The following AKR1C1 variants were observed in gnomAD, a reference collection of about 807,000 sequenced individuals.
The protein encoded by AKR1C1 is aldo-keto reductase family 1 member C1.
Under a neutral mutation model 40.6 loss-of-function variants are expected in AKR1C1, and 32 were observed. That is an observed-to-expected ratio of 0.79 (90% confidence interval 0.60 to 1.06). The LOEUF (loss-of-function observed/expected upper bound fraction) is 1.06. Among genes scored for constraint, AKR1C1 ranks in the 50% least tolerant of loss-of-function variants. The pLI is 0.00. For missense variants in AKR1C1, 320 were observed against 363.5 expected, an observed-to-expected ratio of 0.88 and a Z score of 0.97; for synonymous variants, 105 against 134.2, an observed-to-expected ratio of 0.78 and a Z score of 1.50.
Position 4,978,040 on chromosome 10 carries a change from C to T in AKR1C1, c.*298C>T, listed in dbSNP as rs374101244. ...GCCCCTAAATTGTGATTTGCCTATA[C>T]GTTTAGGGCCGGGGTTGGAAGATGT... On this transcript the variant is annotated 3_prime_UTR_variant, in exon 9 of 9. Transcript: ENST00000380872. 1.2e-5 allele frequency: 5 copies of T among 403,904 alleles called. No individual in the cohort carries two copies. The highest frequency in any genetic ancestry group is 1.1e-4 in the East Asian group (2 of 17,886). 25.0% of individuals were successfully genotyped at this position (403,904 alleles called of 1,614,324 possible).
chr10:4,971,520 TATAA>T (rs1284710383), intron 5 of AKR1C1, among the ~76,000 whole-genome samples: 2,404 of 118,834 alleles, frequency 0.02, 64 homozygotes, highest in African/African-American at 0.072. Flanking sequence ...TATATATATA[TATAA>T]AATATATATG....
In AKR1C1 at chr10:4,981,476, A is replaced by C. The variant is rs781974969; in HGVS notation, c.*3734A>C. 2.0e-5 allele frequency: 3 copies of C among 152,246 alleles called. No homozygotes were observed. The highest frequency in any genetic ancestry group is 4.4e-5 in the Non-Finnish European group (3 of 68,050). 9.4% of individuals were successfully genotyped at this position (152,246 alleles called of 1,614,324 possible). A position where few individuals can be genotyped will look rare whatever the true frequency, so the allele number is the denominator to read the frequency against. On this transcript the variant is annotated 3_prime_UTR_variant, in exon 9 of 9. Coordinates refer to ENST00000380872, the MANE Select transcript of AKR1C1 (RefSeq NM_001353.6). ...AAAATGGAGAAAAGTACCAGATGGC[A>C]GATGGGAGGCAGTGTGAGCATGCCT...
intron 5 of AKR1C1, chr10:4,969,599 T>A (rs1473734664): frequency 6.4e-7 from 1 of 1,551,846 alleles, no homozygotes; most frequent in African/African-American, 1.4e-5. Context: ...CCGCTCCTAG[T>A]TGGCTGCTCT....
intron 7 of AKR1C1, among the ~76,000 whole-genome samples, chr10:4,973,900 T>C (rs1200794277): frequency 1.1e-5 from 1 of 92,278 alleles, no homozygotes; most frequent in Non-Finnish European, 2.2e-5. Flanking sequence ...ATTAGTTATA[T>C]ACAGATATAT....
chr10:4,963,970 TA>T (rs1836289034), intron 1 of AKR1C1: 6 of 745,608 alleles, frequency 8.0e-6, no homozygotes, highest in South Asian at 7.1e-5. Flanking sequence ...CACCACACTG[TA>T]ATACTAGACC....
chr10:4,965,943 C>T lies in AKR1C1; in HGVS notation c.114C>T (p.Thr38=). ...EVPKSKALEA[T]KLAIEAGFRH... ...CTAAAAGTAAAGCTTTAGAGGCCAC[C>T]AAATTGGCAATTGAAGCTGGCTTCC... The change falls in exon 2 of 9, where the codon ACC becomes ACT. Residue 38 remains threonine, a synonymous_variant. Coordinates refer to ENST00000380872, the MANE Select transcript of AKR1C1 (RefSeq NM_001353.6). 6.2e-7 allele frequency: 1 copy of T among 1,614,120 alleles called. No homozygotes were observed. The highest frequency in any genetic ancestry group is 8.5e-7 in the Non-Finnish European group (1 of 1,179,976).
intron 1 of AKR1C1, among the ~76,000 whole-genome samples, chr10:4,964,221 A>G (rs1332045800): frequency 6.6e-6 from 1 of 152,234 alleles, no homozygotes; most frequent in African/African-American, 2.4e-5. Flanking sequence ...CTATTTCTAC[A>G]CTGGAAGAAA....
At chr10:4,976,896 TAAAA>T (rs1212474352) in intron 8 of AKR1C1, among the ~76,000 whole-genome samples, 2 of 152,146 alleles carry the variant, frequency 1.3e-5, no homozygotes, top group African/African-American at 4.8e-5. Flanking sequence ...ACGGAGATGA[TAAAA>T]AGAAAAGGAA....
At chr10:4,963,827 T>C (rs778617117) in intron 1 of AKR1C1, 1 of 754,554 alleles carries the variant, frequency 1.3e-6, no homozygotes, top group Non-Finnish European at 2.4e-6. Flanking sequence ...CTCTGTTTCT[T>C]TGTATAGTCG....
At chr10:4,972,962 T>G (rs1268238564) in intron 7 of AKR1C1, among the ~76,000 whole-genome samples, 4 of 152,278 alleles carry the variant, frequency 2.6e-5, no homozygotes, top group Non-Finnish European at 2.9e-5. Context: ...AACTACAGAT[T>G]TGGGTTAGCG....
chr10:4,966,267 G>A (rs1836332446), intron 2 of AKR1C1, among the ~76,000 whole-genome samples, 186 bp downstream of exon 2: 1 of 152,216 alleles, frequency 6.6e-6, no homozygotes, highest in Admixed American at 6.5e-5. Flanking sequence ...CATCTTTGCA[G>A]TGTTCCAATT....
At chr10:4,971,212 T>A (rs1418178183) in intron 5 of AKR1C1, among the ~76,000 whole-genome samples, 11 of 152,014 alleles carry the variant, frequency 7.2e-5, no homozygotes, top group African/African-American at 2.7e-4. Context: ...TCATTTACAA[T>A]TTTAACCACT....
At position 4,968,852 on chromosome 10, in the gene AKR1C1, G is replaced by C. The variant is rs964121986; in HGVS notation, c.478G>C (p.Ala160Pro). 4 of 1,614,000 alleles carry C rather than the reference G, an allele frequency of 2.5e-6. No homozygotes were observed. The African/African-American group carries it at 4.0e-5, about 16-fold the overall frequency. ...AVEKCKDAGL[A>P]KSIGVSNFNR... ...GGAGAAGTGTAAAGATGCAGGATTGGCCAAGTCCATCGGGGTGTCCAACTT... is the reference window on the plus strand; with the variant it reads ...GGAGAAGTGTAAAGATGCAGGATTGCCCAAGTCCATCGGGGTGTCCAACTT... The change falls in exon 5 of 9, where the codon GCC becomes CCC. Residue 160 changes from alanine (A) to proline (P), a missense_variant. By Grantham distance (27) the Ala-to-Pro change is conservative. Transcript: ENST00000380872.
chr10:4,965,757 G>T (rs566262480), intron 1 of AKR1C1, 157 bp from the exon 2 acceptor site: 3 of 823,144 alleles, frequency 3.6e-6, no homozygotes, highest in East Asian at 5.8e-5. Context: ...TTACTAACTG[G>T]GAAAGACCCA....
At chr10:4,975,136 G>A (rs1215707447) in intron 7 of AKR1C1, among the ~76,000 whole-genome samples, 7 of 151,592 alleles carry the variant, frequency 4.6e-5, no homozygotes, top group East Asian at 3.9e-4. Context: ...TTTCATTTTT[G>A]TTTTATGGAT....
intron 8 of AKR1C1, among the ~76,000 whole-genome samples, chr10:4,977,409 T>G (rs6601881): frequency 0.69 from 105,582 of 152,082 alleles, 36,870 homozygotes; most frequent in East Asian, 0.8. Flanking sequence ...AAAAGGTCAG[T>G]ATATCTCTTT....
intron 1 of AKR1C1, among the ~76,000 whole-genome samples, chr10:4,964,575 A>C (rs1297982678): frequency 1.3e-5 from 2 of 152,134 alleles, no homozygotes; most frequent in East Asian, 3.8e-4. Context: ...ATAGGAAAAC[A>C]GTTTGCTTTG....
At chr10:4,963,882 T>A (rs1165140780) in intron 1 of AKR1C1, 1 of 765,228 alleles carries the variant, frequency 1.3e-6, no homozygotes, top group South Asian at 1.4e-5. Context: ...CAGAGGAATT[T>A]TTATGGCAAA....
At position 4,968,864 on chromosome 10, in the gene AKR1C1, G is replaced by C. The variant is rs1422582875; in HGVS notation, c.490G>C (p.Gly164Arg). The C allele has an allele frequency of 6.2e-7, 1 of 1,614,004 alleles. No individual in the cohort carries two copies. Among genetic ancestry groups the C allele is most frequent in the East Asian group, 2.2e-5 (1 of 44,898 alleles). Residue 164 changes from glycine (G) to arginine (R), a missense_variant, in exon 5 of 9, where the codon GGG becomes CGG. Around this residue, in one of 3 missense-constraint regions of AKR1C1, gnomAD observed 214 missense variants for 214.8 expected, o/e 1.00. Transcript: ENST00000380872. Reference protein sequence around the residue: ...CKDAGLAKSIGVSNFNRRQLE... With the variant: ...CKDAGLAKSIRVSNFNRRQLE... The stretch of plus-strand genomic sequence containing the variant: ...AGATGCAGGATTGGCCAAGTCCATC[G>C]GGGTGTCCAACTTCAACCGCAGGCA...
Sources: gnomAD v4.1 joint callset for allele counts (sites outside exome capture counted in the v4.1 genomes callset) on GRCh38, gnomAD v4.1.1 for gene constraint, gnomAD v4.1.1 regional missense constraint, MANE v1.5 for transcripts, NCBI Gene and HGNC (gene_info 2026-07-23, HGNC 2026-07-21) for gene names.